Variants in CACNB4 observed in about 807,000 individuals in gnomAD.
CACNB4 encodes the protein calcium voltage-gated channel auxiliary subunit beta 4.
Under a neutral mutation model 71.2 loss-of-function variants are expected in CACNB4, and 32 were observed. That is an observed-to-expected ratio of 0.45 (90% CI 0.34 to 0.60). The LOEUF is 0.60. Ranked by LOEUF, CACNB4 falls within the 20% of genes least tolerant of loss-of-function variation. The pLI is 0.01. For missense variants in CACNB4, 464 were observed against 647.9 expected (o/e 0.72, Z 3.08); for synonymous variants, 231 against 236.9 (o/e 0.97, Z 0.23).
intron 2 of CACNB4, among the ~76,000 whole-genome samples, chr2:151,934,423 T>C (rs1467814900): frequency 2.6e-5 from 4 of 152,200 alleles, no homozygotes; most frequent in Non-Finnish European, 5.9e-5. Flanking sequence ...TACCAGATAC[T>C]GTTCTAGGTG....
chr2:151,860,698 T>C lies in CACNB4; in HGVS notation c.868+13A>G, dbSNP rs532526837. The stretch of plus-strand genomic sequence containing the variant: ...AGCACAGCTTGAAGAAGTACCACAT[T>C]TGAACATCTTACCTAAGCTGGACCG... On this transcript the variant is annotated intron_variant, in intron 10 of 13. Transcript: ENST00000539935. 1.3e-6 allele frequency: 2 copies of C among 1,567,286 alleles called. No homozygotes were observed. Among genetic ancestry groups the C allele is most frequent in the South Asian group, 2.2e-5 (2 of 90,224 alleles).
intron 2 of CACNB4, among the ~76,000 whole-genome samples, chr2:151,956,678 A>T (rs758476058): frequency 5.3e-5 from 8 of 152,206 alleles, no homozygotes; most frequent in Non-Finnish European, 1.2e-4. Context: ...ATTCCTTGGT[A>T]TGTGAATTAT....
chr2:151,941,276 T>C (rs896583459), intron 2 of CACNB4, among the ~76,000 whole-genome samples: 2 of 50,166 alleles, frequency 4.0e-5, no homozygotes, highest in South Asian at 2.6e-3. Context: ...AAATGGTTAA[T>C]TTTTTTTTTT....
rs531740862 is a variant in CACNB4, at chr2:151,995,202, C to G, written c.147+103128G>C. 1.0e-4 allele frequency among the ~76,000 whole-genome samples: 15 copies of G among 146,904 alleles called. No homozygotes were observed. The South Asian group carries it at 2.9e-3, about 28-fold the overall frequency. On this transcript the variant is annotated intron_variant, in intron 2 of 13. Coordinates refer to ENST00000539935, the MANE Select transcript of CACNB4 (RefSeq NM_000726.5). ...CCCCCGCCCAAGGCTATCCCTTAGA[C>G]ACACACCAGGAGTGTTTTGGGTACT...
At chr2:151,880,995 T>C (rs1343789243) in intron 3 of CACNB4, 73 bp from the exon 4 acceptor site, 3 of 1,383,126 alleles carry the variant, frequency 2.2e-6, no homozygotes, top group Non-Finnish European at 2.9e-6. Context: ...GAAACTCTGA[T>C]AGTACCAGGT....
chr2:151,924,862 A>G (rs1035156186), intron 2 of CACNB4, among the ~76,000 whole-genome samples: 41 of 152,164 alleles, frequency 2.7e-4, no homozygotes, highest in African/African-American at 7.2e-4. Context: ...TGTGGTAAGG[A>G]TAGGTACCCT....
intron 2 of CACNB4, among the ~76,000 whole-genome samples, chr2:151,915,905 T>C (rs1049586405): frequency 1.3e-5 from 2 of 150,150 alleles, no homozygotes; most frequent in African/African-American, 4.9e-5. Context: ...CGCTAGGCCC[T>C]GGTGGGTGGC....
intron 2 of CACNB4, among the ~76,000 whole-genome samples, chr2:152,009,044 G>C (rs1350785264): frequency 6.6e-6 from 1 of 152,022 alleles, no homozygotes; most frequent in Non-Finnish European, 1.5e-5. Flanking sequence ...TGTGAAAAAG[G>C]ACCAGGCATG....
chr2:152,015,522 C>G (rs182931848), intron 2 of CACNB4, among the ~76,000 whole-genome samples: 1 of 152,296 alleles, frequency 6.6e-6, no homozygotes, highest in East Asian at 1.9e-4. Flanking sequence ...GACACACTGC[C>G]TTGCAGAGGG....
intron 2 of CACNB4, among the ~76,000 whole-genome samples, chr2:152,019,520 C>T (rs1399761656): frequency 6.6e-6 from 1 of 151,672 alleles, no homozygotes; most frequent in Non-Finnish European, 1.5e-5. Context: ...GGTGGGTGGG[C>T]AGATGGATGA....
intron 2 of CACNB4, among the ~76,000 whole-genome samples, chr2:151,903,185 T>C (rs889788693): frequency 1.1e-4 from 16 of 152,172 alleles, no homozygotes; most frequent in Non-Finnish European, 2.9e-5. Flanking sequence ...TTTTATTTCA[T>C]CAACATTAAG....
intron 2 of CACNB4, among the ~76,000 whole-genome samples, chr2:151,945,708 A>G (rs2099865387): frequency 6.6e-6 from 1 of 152,104 alleles, no homozygotes; most frequent in South Asian, 2.1e-4. Context: ...CATAGCCCGT[A>G]GGGTTGTTGA....
rs2099834773 is a variant in CACNB4 at position 151,835,831 on chromosome 2, T to C, written c.*3288A>G. ...ATTTTGCAAACAACGACAATAATAA[T>C]TAAATAGCAGATTATTTAAAGGAAA... On this transcript the variant is annotated 3_prime_UTR_variant, in exon 14 of 14. Transcript: ENST00000539935. The C allele has an allele frequency of 2.0e-5, 3 of 151,810 alleles. No homozygotes were observed. Among genetic ancestry groups the C allele is most frequent in the Admixed American group, 6.6e-5 (1 of 15,248 alleles). The allele number at this position is 151,810 out of a possible 1,614,324, so 9.4% of individuals were successfully genotyped here.
At chr2:151,978,245 C>G (rs934387776) in intron 2 of CACNB4, among the ~76,000 whole-genome samples, 1 of 152,106 alleles carries the variant, frequency 6.6e-6, no homozygotes, top group African/African-American at 2.4e-5. Context: ...CCATGAAGAC[C>G]ATGGAGATAA....
At chr2:152,001,257 G>C (rs867606052) in intron 2 of CACNB4, among the ~76,000 whole-genome samples, 2 of 152,094 alleles carry the variant, frequency 1.3e-5, no homozygotes, top group South Asian at 2.1e-4. Flanking sequence ...GTGCCAAGGG[G>C]TGGTGGAAGG....
intron 2 of CACNB4, among the ~76,000 whole-genome samples, chr2:152,035,586 T>C (rs868660796): frequency 2.0e-5 from 3 of 148,010 alleles, no homozygotes; most frequent in African/African-American, 5.1e-5. Flanking sequence ...TCTCTCTCTC[T>C]CCCTCTCTCT....
At chr2:152,057,711 A>G (rs554607974) in intron 2 of CACNB4, among the ~76,000 whole-genome samples, 1 of 152,314 alleles carries the variant, frequency 6.6e-6, no homozygotes, top group East Asian at 1.9e-4. Context: ...ATGCACACGC[A>G]CAGATCTTCA....
At chr2:152,025,613 G>C (rs139111138) in intron 2 of CACNB4, among the ~76,000 whole-genome samples, 124 of 152,296 alleles carry the variant, frequency 8.1e-4, no homozygotes, top group Admixed American at 2.5e-3. Context: ...AATCATCTAT[G>C]AAGTACAGAA....
chr2:151,833,659 GGTA>G lies in CACNB4; in HGVS notation c.*5457_*5459del, dbSNP rs1011522293. On this transcript the variant is annotated 3_prime_UTR_variant, in exon 14 of 14. Transcript: ENST00000539935. ...GTATCAAGCAGCAAGTTAAAAAGAT[GGTA>G]GATGAAGTAAATCTGACAAAACTTA... The G allele has an allele frequency of 4.6e-5, 7 of 151,970 alleles. No homozygotes were observed. The highest frequency in any genetic ancestry group is 1.7e-4 in the African/African-American group (7 of 41,398). The allele number at this position is 151,970 out of a possible 1,614,324, so 9.4% of individuals were successfully genotyped here. A position where few individuals can be genotyped will look rare whatever the true frequency, so the allele number is the denominator to read the frequency against.
Sources: allele counts gnomAD v4.1 joint callset (sites outside exome capture counted in the v4.1 genomes callset), GRCh38; gene constraint gnomAD v4.1.1; transcripts MANE v1.5; gene names NCBI Gene and HGNC (gene_info 2026-07-23, HGNC 2026-07-21).